PDZRN3: variants seen among roughly 807,000 people sequenced by gnomAD.
PDZRN3 encodes the protein PDZ domain containing ring finger 3.
PDZRN3 carries 38 observed loss-of-function variants against 85.7 expected under a neutral mutation model. The ratio of observed to expected loss-of-function variants is 0.44; its 90% CI spans 0.34 to 0.58. The LOEUF is 0.58. Among genes scored for constraint, PDZRN3 ranks in the 20% least tolerant of loss-of-function variants. The probability of loss-of-function intolerance (pLI) is 0.01; values close to 1 mark genes in which losing one functional copy is unlikely to be tolerated. For missense variants in PDZRN3, 1,629 were observed against 1,506.4 expected (o/e 1.08, Z -1.35); for synonymous variants, 759 against 638.0 (o/e 1.19, Z -2.86).
intron 3 of PDZRN3, 60 bp downstream of exon 3, chr3:73,602,294 G>T: frequency 1.1e-6 from 1 of 916,114 alleles, no homozygotes; most frequent in Non-Finnish European, 1.8e-6. Context: ...CTTGCTTTGA[G>T]CTAGACGAAG....
Position 73,515,563 on chromosome 3 carries a change from G to A in PDZRN3, c.918+86791C>T, listed in dbSNP as rs559398444. 3.9e-5 allele frequency among the ~76,000 whole-genome samples: 6 copies of A among 152,172 alleles called. No homozygotes were observed. The East Asian group carries it at 5.8e-4, about 15-fold the overall frequency. ...TATAAGGAAATGACCTCATCCACCC[G>A]TTACAGAATCTCTATTTCAAATTTA... On this transcript the variant is annotated intron_variant, in intron 3 of 9. Transcript: ENST00000263666.
At chr3:73,623,569 G>A (rs769231931) in intron 1 of PDZRN3, 1 of 152,252 alleles carries the variant, frequency 6.6e-6, no homozygotes, top group African/African-American at 2.4e-5. Flanking sequence ...TTTTACCCCA[G>A]AGGCCTCTCT....
At chr3:73,611,326 GACCTC>G (rs1393781787) in intron 1 of PDZRN3, among the ~76,000 whole-genome samples, 3 of 152,200 alleles carry the variant, frequency 2.0e-5, no homozygotes, top group Non-Finnish European at 4.4e-5. Context: ...GTCCAGCCCT[GACCTC>G]AGAGATCTCT....
chr3:73,417,322 G>A (rs1018796538), intron 3 of PDZRN3, among the ~76,000 whole-genome samples: 7 of 152,172 alleles, frequency 4.6e-5, no homozygotes, highest in Admixed American at 1.3e-4. Flanking sequence ...CTGAATAGAA[G>A]CCTGCAGTTA....
At chr3:73,391,265 G>GTGA in intron 5 of PDZRN3, 149 bp from the exon 6 acceptor site, 1 of 580,960 alleles carries the variant, frequency 1.7e-6, no homozygotes. Context: ...TAAACAAAAA[G>GTGA]TGATTATGGA....
At chr3:73,569,924 T>C (rs1432090156) in intron 3 of PDZRN3, among the ~76,000 whole-genome samples, 1 of 152,128 alleles carries the variant, frequency 6.6e-6, no homozygotes, top group African/African-American at 2.4e-5. Context: ...AGGGCTGTTT[T>C]TAGGATAAAA....
intron 3 of PDZRN3, among the ~76,000 whole-genome samples, chr3:73,407,686 C>T (rs917372940): frequency 2.0e-5 from 3 of 152,142 alleles, no homozygotes; most frequent in African/African-American, 7.2e-5. Flanking sequence ...TACTTGGATA[C>T]ATTTTTATAA....
chr3:73,550,249 AC>A (rs1218484159), intron 3 of PDZRN3, among the ~76,000 whole-genome samples: 2 of 151,788 alleles, frequency 1.3e-5, no homozygotes, highest in Non-Finnish European at 2.9e-5. Flanking sequence ...CCACCCCTCA[AC>A]CCCCCAGACC....
intron 3 of PDZRN3, among the ~76,000 whole-genome samples, chr3:73,509,967 A>C (rs1346842958): frequency 6.6e-6 from 1 of 152,192 alleles, no homozygotes; most frequent in Non-Finnish European, 1.5e-5. Flanking sequence ...ATTATCTTTA[A>C]AGAAGCAGTA....
chr3:73,403,820 A>C (rs1701800636), intron 4 of PDZRN3, among the ~76,000 whole-genome samples: 1 of 152,220 alleles, frequency 6.6e-6, no homozygotes, highest in African/African-American at 2.4e-5. Context: ...AATGATCAAC[A>C]TTCCCTAGTA....
At position 73,619,610 on chromosome 3, in the gene PDZRN3, C is replaced by G. The variant is rs575456212; in HGVS notation, c.723+4493G>C. 7.9e-5 allele frequency among the ~76,000 whole-genome samples: 12 copies of G among 152,172 alleles called. No individual in the cohort carries two copies. The South Asian group carries it at 2.5e-3, about 32-fold the overall frequency. ...ACTTGGTAAGATTGTTCCAGGTAGA[C>G]AGAAGAGCAAGTGCAAAGGCCTGGA... On this transcript the variant is annotated intron_variant, in intron 1 of 9. Coordinates refer to ENST00000263666, the MANE Select transcript of PDZRN3 (RefSeq NM_015009.3).
At chr3:73,536,722 T>C (rs1704796874) in intron 3 of PDZRN3, among the ~76,000 whole-genome samples, 1 of 152,188 alleles carries the variant, frequency 6.6e-6, no homozygotes, top group South Asian at 2.1e-4. Context: ...TCCCACATGG[T>C]GGTAGGTCTC....
intron 3 of PDZRN3, among the ~76,000 whole-genome samples, chr3:73,517,160 T>C (rs113003697): frequency 1.3e-5 from 2 of 152,354 alleles, no homozygotes; most frequent in African/African-American, 4.8e-5. Flanking sequence ...AGAAAGGTGA[T>C]ACAGTGGAAA....
chr3:73,520,689 T>G (rs1704344694), intron 3 of PDZRN3, among the ~76,000 whole-genome samples: 1 of 151,970 alleles, frequency 6.6e-6, no homozygotes, highest in Admixed American at 6.6e-5. Context: ...CATGCGTGTC[T>G]GTACACACAC....
At chr3:73,484,991 CAGA>C (rs145105184) in intron 3 of PDZRN3, among the ~76,000 whole-genome samples, 5,167 of 152,162 alleles carry the variant, frequency 0.034, 133 homozygotes, top group South Asian at 0.055. Context: ...AAAATGAAAC[CAGA>C]AGGAGCATTC....
intron 3 of PDZRN3, among the ~76,000 whole-genome samples, chr3:73,491,467 T>C (rs4557101): frequency 0.29 from 44,285 of 152,008 alleles, 7,112 homozygotes; most frequent in Non-Finnish European, 0.38. Context: ...TTTGCATCCA[T>C]TGCTCAAATG....
chr3:73,558,582 CCT>C (rs1701749923), intron 3 of PDZRN3, among the ~76,000 whole-genome samples: 1 of 152,216 alleles, frequency 6.6e-6, no homozygotes, highest in Non-Finnish European at 1.5e-5. Flanking sequence ...TCCCCTTCCT[CCT>C]CTTTTTCCTG....
intron 3 of PDZRN3, among the ~76,000 whole-genome samples, chr3:73,476,830 G>A (rs781749857): frequency 7.2e-5 from 11 of 152,150 alleles, no homozygotes; most frequent in East Asian, 1.9e-4. Context: ...CATGGAAGCC[G>A]ACCCTCAGCT....
At chr3:73,405,273 G>T (rs1250176331) in intron 3 of PDZRN3, among the ~76,000 whole-genome samples, 1 of 152,160 alleles carries the variant, frequency 6.6e-6, no homozygotes, top group Non-Finnish European at 1.5e-5. Context: ...GCTATCTTTA[G>T]AACAGCTGAC....
Sources: allele counts gnomAD v4.1 joint callset (sites outside exome capture counted in the v4.1 genomes callset), GRCh38; gene constraint gnomAD v4.1.1; transcripts MANE v1.5; gene names NCBI Gene and HGNC (gene_info 2026-07-23, HGNC 2026-07-21).